NTN4: variants seen among roughly 807,000 people sequenced by gnomAD.
The protein encoded by NTN4 is netrin 4, also known as netrin-4.
Under a neutral mutation model 73.6 loss-of-function variants are expected in NTN4, and 32 were observed. The ratio of observed to expected loss-of-function variants is 0.44; its 90% CI spans 0.33 to 0.58. The LOEUF (loss-of-function observed/expected upper bound fraction) is 0.58, where lower values mean the gene tolerates loss of function less well. Among genes scored for constraint, NTN4 ranks in the 20% least tolerant of loss-of-function variants. The pLI, the probability that NTN4 is intolerant of heterozygous loss-of-function variation, is 0.04. For synonymous variants in NTN4, 258 were observed against 287.5 expected, an observed-to-expected ratio of 0.90 and a Z score of 1.04; for missense variants, 654 against 798.3, an observed-to-expected ratio of 0.82 and a Z score of 2.18.
intron 7 of NTN4, among the ~76,000 whole-genome samples, chr12:95,679,346 A>G (rs1304161253): frequency 3.3e-5 from 5 of 152,236 alleles, no homozygotes; most frequent in Non-Finnish European, 2.9e-5. Context: ...AGATCCATTC[A>G]TGTATAGAAA....
rs768360851 is a variant in NTN4, at chr12:95,738,017, C to A, written c.713G>T (p.Arg238Ile). ...TTGAGGCTCTTCGTTCAGGTCATTT[C>A]TCTGACAGGGACAAGACTGTCGTTT... ...LLKRQSCPCQ[R>I]NDLNEEPQHF... The change falls in exon 3 of 10, where the codon AGA becomes ATA. Residue 238 changes from arginine to isoleucine, a missense_variant. Arg to Ile is a moderately conservative substitution (Grantham distance 97, BLOSUM62 -3). Transcript: ENST00000343702. 1 of 1,613,992 alleles carries A rather than the reference C, an allele frequency of 6.2e-7. No homozygotes were observed. Among genetic ancestry groups the A allele is most frequent in the Non-Finnish European group, 8.5e-7 (1 of 1,180,014 alleles).
At chr12:95,686,383 A>G (rs1398772302) in intron 5 of NTN4, among the ~76,000 whole-genome samples, 2 of 152,180 alleles carry the variant, frequency 1.3e-5, no homozygotes, top group African/African-American at 4.8e-5. Flanking sequence ...AGCTGAGGGA[A>G]TCAGGTGGGA....
intron 8 of NTN4, among the ~76,000 whole-genome samples, chr12:95,667,993 G>A (rs1032877285): frequency 6.6e-6 from 1 of 152,148 alleles, no homozygotes; most frequent in African/African-American, 2.4e-5. Context: ...GAAGGACAGG[G>A]AGCATAGTGC....
chr12:95,751,682 T>TA (rs1640694949), intron 2 of NTN4, among the ~76,000 whole-genome samples: 2 of 152,054 alleles, frequency 1.3e-5, no homozygotes, highest in African/African-American at 4.8e-5. Flanking sequence ...GGAAGCCCCC[T>TA]AGACCATCAC....
chr12:95,703,603 T>C (rs937659562), intron 5 of NTN4, among the ~76,000 whole-genome samples: 8 of 152,196 alleles, frequency 5.3e-5, no homozygotes, highest in Admixed American at 1.3e-4. Context: ...TTTGATTAAT[T>C]TATTTCCTAA....
At chr12:95,787,489 A>G (rs1170877990) in intron 1 of NTN4, 21 bp from the exon 2 acceptor site, 1 of 1,607,598 alleles carries the variant, frequency 6.2e-7, no homozygotes, top group Admixed American at 1.7e-5. Flanking sequence ...GAAAGCATGC[A>G]TGATGCAAGA....
intron 3 of NTN4, among the ~76,000 whole-genome samples, chr12:95,735,712 A>C (rs188607867): frequency 6.6e-6 from 1 of 152,212 alleles, no homozygotes; most frequent in African/African-American, 2.4e-5. Flanking sequence ...TTGTATTTTA[A>C]GACTTCTTCA....
intron 5 of NTN4, among the ~76,000 whole-genome samples, chr12:95,685,890 C>CT (rs968805086): frequency 4.4e-4 from 65 of 147,494 alleles, no homozygotes; most frequent in East Asian, 3.9e-4. Flanking sequence ...ATAGATAATT[C>CT]TTTTTTTTTT....
chr12:95,700,838 G>C (rs1314345243), intron 5 of NTN4, among the ~76,000 whole-genome samples: 4 of 125,240 alleles, frequency 3.2e-5, no homozygotes, highest in Admixed American at 9.4e-5. Context: ...TTTTGAGACA[G>C]AGTCTCCCTC....
chr12:95,776,089 C>G (rs1293312359), intron 2 of NTN4, among the ~76,000 whole-genome samples: 1 of 152,216 alleles, frequency 6.6e-6, no homozygotes, highest in Admixed American at 6.5e-5. Flanking sequence ...AACAGACCTG[C>G]AGCTGAGGGT....
intron 9 of NTN4, among the ~76,000 whole-genome samples, chr12:95,660,264 C>T (rs1392747847): frequency 6.6e-6 from 1 of 152,142 alleles, no homozygotes; most frequent in East Asian, 1.9e-4. Flanking sequence ...ATCTGCCTGC[C>T]TCGGCCTCCC....
At chr12:95,779,591 A>G (rs1261499022) in intron 2 of NTN4, among the ~76,000 whole-genome samples, 2 of 152,056 alleles carry the variant, frequency 1.3e-5, no homozygotes, top group African/African-American at 4.8e-5. Context: ...TAGGAATCCA[A>G]CTTACAAGGG....
At chr12:95,755,937 CT>C (rs1005456385) in intron 2 of NTN4, among the ~76,000 whole-genome samples, 1 of 152,116 alleles carries the variant, frequency 6.6e-6, no homozygotes, top group African/African-American at 2.4e-5. Flanking sequence ...GAATCCTAGC[CT>C]TTTTTTCTTT....
At chr12:95,777,932 G>A (rs1416964955) in intron 2 of NTN4, among the ~76,000 whole-genome samples, 1 of 151,886 alleles carries the variant, frequency 6.6e-6, no homozygotes, top group Non-Finnish European at 1.5e-5. Flanking sequence ...CTCAGCAAAT[G>A]TAAAAGAACA....
rs570879930 is a variant in NTN4, at chr12:95,721,093, T to G, written c.865-7755A>C. ...ACTCTAGCATCCTCATCTTAACCCC[T>G]AAACTATGCCATTGTAAGACCCTTG... On this transcript the variant is annotated intron_variant, in intron 3 of 9. Coordinates refer to ENST00000343702, the MANE Select transcript of NTN4 (RefSeq NM_021229.4). Among the ~76,000 whole-genome samples the G allele has an allele frequency of 2.6e-4, 39 of 152,336 alleles. 1 individual carries two copies. Among genetic ancestry groups the G allele is most frequent in the Middle Eastern group, 3.4e-3 (1 of 294 alleles).
At chr12:95,771,241 G>A (rs922924699) in intron 2 of NTN4, among the ~76,000 whole-genome samples, 3 of 152,150 alleles carry the variant, frequency 2.0e-5, no homozygotes, top group Non-Finnish European at 2.9e-5. Flanking sequence ...TGCCCGCCTC[G>A]GCTTCCCAAA....
At chr12:95,660,235 G>A (rs973343187) in intron 9 of NTN4, among the ~76,000 whole-genome samples, 7 of 152,010 alleles carry the variant, frequency 4.6e-5, no homozygotes, top group Admixed American at 4.6e-4. Context: ...GGCTGGTCTC[G>A]AACTCCTGAC....
Position 95,751,187 on chromosome 12 carries a change from C to T in NTN4, c.586-13043G>A, listed in dbSNP as rs570883208. Among the ~76,000 whole-genome samples the T allele has an allele frequency of 1.8e-3, 267 of 152,218 alleles. 1 individual carries two copies. Among genetic ancestry groups the T allele is most frequent in the African/African-American group, 6.1e-3 (254 of 41,502 alleles). On this transcript the variant is annotated intron_variant, in intron 2 of 9. Transcript: ENST00000343702. ...ATTAAATTCCGGCCCTCAAACCCCA[C>T]AACAGGATTTAATTAACCTCGCCTT...
chr12:95,768,884 C>G (rs1258234125), intron 2 of NTN4, among the ~76,000 whole-genome samples: 1 of 152,094 alleles, frequency 6.6e-6, no homozygotes, highest in Non-Finnish European at 1.5e-5. Flanking sequence ...ATGATCGAAG[C>G]TGGCTGAAGG....
Sources: gnomAD v4.1 joint callset for allele counts (sites outside exome capture counted in the v4.1 genomes callset) on GRCh38, gnomAD v4.1.1 for gene constraint, MANE v1.5 for transcripts, NCBI Gene and HGNC (gene_info 2026-07-23, HGNC 2026-07-21) for gene names.